Variants in MTM1 observed in about 807,000 individuals in gnomAD.
The protein encoded by MTM1 is myotubularin 1, also known as myotubularin.
Under a neutral mutation model 52.1 loss-of-function variants are expected in MTM1, and 9 were observed. The observed-to-expected ratio is 0.17, with a 90% CI of 0.10 to 0.30. The LOEUF is 0.30. Ranked by LOEUF, MTM1 falls within the 10% of genes least tolerant of loss-of-function variation. The pLI is 1.00. For missense variants in MTM1, 277 were observed against 470.7 expected (o/e 0.59, Z 3.81); for synonymous variants, 136 against 163.8 (o/e 0.83, Z 1.29).
At chrX:150,583,677 AATAATTTG>A (rs2038696801) in intron 1 of MTM1, among the ~76,000 whole-genome samples, 8 of 35,810 alleles carry the variant, frequency 2.2e-4, no homozygotes, top group Admixed American at 6.7e-4. Flanking sequence ...TTTATATATA[AATAATTTG>A]TATATATTAT....
chrX:150,640,885 G>C (rs1476110524), intron 7 of MTM1, among the ~76,000 whole-genome samples: 2 of 110,836 alleles, frequency 1.8e-5, no homozygotes, highest in Non-Finnish European at 3.8e-5. Flanking sequence ...CCCTCAGTTA[G>C]AGCCAGATTA....
At chrX:150,589,359 A>G (rs782638525) in intron 1 of MTM1, among the ~76,000 whole-genome samples, 4 of 111,769 alleles carry the variant, frequency 3.6e-5, no homozygotes, top group Non-Finnish European at 7.5e-5. Context: ...TGGGGGATCA[A>G]AAGTGATAGA....
chrX:150,592,764 A>G (rs1284726033), intron 2 of MTM1, 87 bp downstream of exon 2: 2 of 615,343 alleles, frequency 3.3e-6, no homozygotes, highest in Non-Finnish European at 2.7e-6. Flanking sequence ...TGGCCTATTG[A>G]ATTATGAATT....
intron 14 of MTM1, among the ~76,000 whole-genome samples, chrX:150,670,016 A>G (rs2040370967): frequency 8.9e-6 from 1 of 111,739 alleles, no homozygotes; most frequent in Non-Finnish European, 1.9e-5. Context: ...GTTTTACATT[A>G]AGGTCTTCAT....
intron 4 of MTM1, among the ~76,000 whole-genome samples, chrX:150,612,225 A>G (rs782453687): frequency 8.2e-5 from 9 of 109,879 alleles, no homozygotes; most frequent in Non-Finnish European, 1.3e-4. Flanking sequence ...TTTTCATTCC[A>G]CGTGATGCCC....
rs202106407 is a variant in MTM1, at chrX:150,633,308, CAG to C, written c.445-5633_445-5632del. ...GGATTAGGAGAACTGTTTATGCAAA[CAG>C]AAGTATAATTGGTAATCTATGTGCT... On this transcript the variant is annotated intron_variant, in intron 6 of 14. Coordinates refer to ENST00000370396, the MANE Select transcript of MTM1 (RefSeq NM_000252.3). 1.9e-3 allele frequency among the ~76,000 whole-genome samples: 210 copies of C among 111,911 alleles called. 1 individual carries two copies. In the East Asian group the frequency reaches 0.023, roughly 12 times the overall value.
At chrX:150,626,992 C>G (rs1168611437) in intron 6 of MTM1, among the ~76,000 whole-genome samples, 1 of 111,447 alleles carries the variant, frequency 9.0e-6, no homozygotes, top group Non-Finnish European at 1.9e-5. Context: ...CCTTCTCCCT[C>G]TCAGCCTTGA....
At chrX:150,579,951 A>G (rs1476068789) in intron 1 of MTM1, among the ~76,000 whole-genome samples, 2 of 111,359 alleles carry the variant, frequency 1.8e-5, no homozygotes, top group Non-Finnish European at 3.8e-5. Context: ...TTTTGCATAC[A>G]TGATTATGTT....
intron 1 of MTM1, among the ~76,000 whole-genome samples, chrX:150,569,341 G>A (rs1448792377): frequency 8.8e-6 from 1 of 113,379 alleles, no homozygotes; most frequent in Non-Finnish European, 1.9e-5. Flanking sequence ...GCTGCGCTCA[G>A]GAAGTGAAAA....
intron 1 of MTM1, among the ~76,000 whole-genome samples, chrX:150,572,864 A>C (rs1157528402): frequency 8.9e-6 from 1 of 112,777 alleles, no homozygotes; most frequent in Non-Finnish European, 1.9e-5. Context: ...TTTTCTCGTT[A>C]AAGTTGTTTC....
At chrX:150,663,357 C>T (rs782457957) in intron 13 of MTM1, 76 bp from the exon 14 acceptor site, 121 of 1,061,269 alleles carry the variant, frequency 1.1e-4, no homozygotes, top group Non-Finnish European at 1.5e-4. Flanking sequence ...TGTATTGCTA[C>T]AGGCTGCAAA....
intron 1 of MTM1, among the ~76,000 whole-genome samples, chrX:150,573,214 A>T (rs2038410975): frequency 8.9e-6 from 1 of 112,494 alleles, no homozygotes; most frequent in Non-Finnish European, 1.9e-5. Context: ...CTGCCAGATG[A>T]AATGGAGCTC....
intron 6 of MTM1, among the ~76,000 whole-genome samples, chrX:150,629,181 C>G (rs923844356): frequency 8.9e-5 from 10 of 111,955 alleles, no homozygotes; most frequent in Non-Finnish European, 1.9e-5. Flanking sequence ...CTGTCTCTTT[C>G]ACAGTGTGGC....
Position 150,663,419 on chromosome X carries a change from C to G in MTM1, c.1468-14C>G. On this transcript the variant is annotated splice_polypyrimidine_tract_variant and intron_variant, in intron 13 of 14. Transcript: ENST00000370396. ...TACTTAGGCTCTCCACTTTCTCTCT[C>G]TGTCTCTCTGTAGAAGGTTACAGAA... The G allele has an allele frequency of 8.3e-7, 1 of 1,209,722 alleles. No homozygotes were observed. Among genetic ancestry groups the G allele is most frequent in the Non-Finnish European group, 1.1e-6 (1 of 894,061 alleles).
chrX:150,641,310 G>A lies in MTM1; in HGVS notation c.570G>A (p.Lys190=), dbSNP rs782411810. Residue 190 remains lysine, a synonymous_variant, in exon 8 of 15, where the codon AAG becomes AAA. Coordinates refer to ENST00000370396, the MANE Select transcript of MTM1 (RefSeq NM_000252.3). ...ATTGGAGAATAACTTTTATTAATAA[G>A]TGCTATGAGCTCTGTGACACTTACC... is the stretch of plus-strand genomic sequence containing the variant. ...NHHWRITFIN[K]CYELCDTYPA... The A allele has an allele frequency of 1.7e-6, 2 of 1,211,158 alleles. No individual in the cohort carries two copies. The highest frequency in any genetic ancestry group is 1.1e-6 in the Non-Finnish European group (1 of 895,190).
At chrX:150,599,532 C>T (rs892797821) in intron 4 of MTM1, among the ~76,000 whole-genome samples, 6 of 111,940 alleles carry the variant, frequency 5.4e-5, no homozygotes, top group African/African-American at 1.3e-4. Flanking sequence ...TTGAGGCTGT[C>T]GGGGAAATGT....
intron 5 of MTM1, among the ~76,000 whole-genome samples, chrX:150,616,915 G>A (rs781948934): frequency 9.0e-6 from 1 of 111,299 alleles, no homozygotes; most frequent in African/African-American, 3.3e-5. Context: ...CATATGACCC[G>A]GCTGTTAAAA....
At chrX:150,654,099 T>C (rs1244341501) in intron 10 of MTM1, among the ~76,000 whole-genome samples, 13 of 112,404 alleles carry the variant, frequency 1.2e-4, no homozygotes, top group African/African-American at 4.2e-4. Context: ...ATGGCTGTCA[T>C]TTCTTTCATC....
At chrX:150,600,068 C>T (rs1232443293) in intron 4 of MTM1, among the ~76,000 whole-genome samples, 6 of 111,718 alleles carry the variant, frequency 5.4e-5, no homozygotes, top group Middle Eastern at 4.6e-3. Context: ...GGTGGCAGTA[C>T]ACTTAGGTGG....
Sources: gnomAD v4.1 joint callset for allele counts (sites outside exome capture counted in the v4.1 genomes callset) on GRCh38, gnomAD v4.1.1 for gene constraint, MANE v1.5 for transcripts, NCBI Gene and HGNC (gene_info 2026-07-23, HGNC 2026-07-21) for gene names.